Variants in PCDH15 observed in about 807,000 individuals in gnomAD.
PCDH15 encodes the protein protocadherin-15.
PCDH15 carries 129 observed loss-of-function variants against 178.5 expected under a neutral mutation model. The observed-to-expected ratio is 0.72, with a 90% CI of 0.63 to 0.84. PCDH15 has a LOEUF of 0.84. PCDH15 is among the 40% of genes least tolerant of loss of function. PCDH15 has a pLI of 0.00. For missense variants in PCDH15, 2,230 were observed against 2,099.9 expected (o/e 1.06, Z -1.21); for synonymous variants, 800 against 732.0 (o/e 1.09, Z -1.50).
At chr10:55,100,168 C>A (rs563194248) in intron 2 of PCDH15, among the ~76,000 whole-genome samples, 1 of 152,022 alleles carries the variant, frequency 6.6e-6, no homozygotes, top group Non-Finnish European at 1.5e-5. Flanking sequence ...TGATTTTATT[C>A]TTGTATTTTC....
intron 2 of PCDH15, among the ~76,000 whole-genome samples, chr10:55,440,099 T>C (rs1257090328): frequency 1.3e-5 from 2 of 152,088 alleles, no homozygotes; most frequent in African/African-American, 2.4e-5. Flanking sequence ...TTACTTGTAA[T>C]TGGAATGGAT....
chr10:55,177,220 T>C (rs1368278447), intron 1 of PCDH15, among the ~76,000 whole-genome samples: 12 of 152,120 alleles, frequency 7.9e-5, no homozygotes. Flanking sequence ...GGCATTAGAG[T>C]ATTCTCCAGA....
At chr10:53,827,338 C>T in intron 32 of PCDH15, 55 bp downstream of exon 32, 1 of 1,547,252 alleles carries the variant, frequency 6.5e-7, no homozygotes, top group South Asian at 1.2e-5. Flanking sequence ...ATACTCACCA[C>T]ACAGAATTCA....
rs1840745897 is a variant in PCDH15, at chr10:55,217,695, T to A, written c.-155-51044A>T. The stretch of plus-strand genomic sequence containing the variant: ...GAAATTAATGAACACTTGCTAAAGA[T>A]GATTACAAGATACTTCTGTTAAATG... On this transcript the variant is annotated intron_variant, in intron 1 of 5. Transcript: ENST00000458638. Among the ~76,000 whole-genome samples, 4 of 151,890 alleles carry A rather than the reference T, an allele frequency of 2.6e-5. No homozygotes were observed. The South Asian group carries it at 8.3e-4, about 31-fold the overall frequency.
chr10:55,622,914 A>G (rs145597733), intron 2 of PCDH15, among the ~76,000 whole-genome samples: 1 of 152,226 alleles, frequency 6.6e-6, no homozygotes, highest in Non-Finnish European at 1.5e-5. Flanking sequence ...TTCTAGTCTA[A>G]TCCCACTCAT....
At chr10:54,284,840 T>C (rs2058935509) in intron 8 of PCDH15, among the ~76,000 whole-genome samples, 1 of 151,896 alleles carries the variant, frequency 6.6e-6, no homozygotes, top group Non-Finnish European at 1.5e-5. Flanking sequence ...TAATCAGGAG[T>C]AGAGTCTCTA....
At chr10:54,713,262 G>GT (rs1002406011) in intron 1 of PCDH15, among the ~76,000 whole-genome samples, 2 of 151,716 alleles carry the variant, frequency 1.3e-5, no homozygotes, top group African/African-American at 2.4e-5. Flanking sequence ...CTGATTTCAA[G>GT]TTTTTTTACA....
intron 1 of PCDH15, among the ~76,000 whole-genome samples, chr10:55,194,319 T>C (rs2132150050): frequency 6.6e-6 from 1 of 152,194 alleles, no homozygotes; most frequent in East Asian, 1.9e-4. Context: ...ACAGGTATGT[T>C]AAAAACTATT....
At chr10:54,236,442 A>G (rs1034636194) in intron 9 of PCDH15, among the ~76,000 whole-genome samples, 5 of 151,954 alleles carry the variant, frequency 3.3e-5, no homozygotes, top group African/African-American at 1.2e-4. Flanking sequence ...TATCACAATT[A>G]TGTATAGTAA....
intron 2 of PCDH15, among the ~76,000 whole-genome samples, chr10:55,479,525 A>C (rs1840132823): frequency 6.6e-6 from 1 of 151,606 alleles, no homozygotes; most frequent in South Asian, 2.1e-4. Flanking sequence ...TCAGCACAAT[A>C]AAGGCTGCAC....
At chr10:54,240,717 C>T (rs1172801249) in intron 8 of PCDH15, among the ~76,000 whole-genome samples, 3 of 148,192 alleles carry the variant, frequency 2.0e-5, no homozygotes, top group African/African-American at 5.0e-5. Context: ...CTGCAAGCTC[C>T]GCCTCCCGGG....
intron 2 of PCDH15, among the ~76,000 whole-genome samples, chr10:55,094,576 CAACCTGGAAAT>C (rs1842401932): frequency 6.6e-6 from 1 of 151,856 alleles, no homozygotes; most frequent in African/African-American, 2.4e-5. Context: ...GTAGTATTGG[CAACCTGGAAAT>C]AAGTAAGTTT....
chr10:54,924,554 C>A (rs1591786776), intron 2 of PCDH15, among the ~76,000 whole-genome samples: 1 of 150,008 alleles, frequency 6.7e-6, no homozygotes, highest in Admixed American at 6.7e-5. Flanking sequence ...AATTTACACT[C>A]CCCCCATAGC....
rs752996488 is a variant in PCDH15 at position 54,334,792 on chromosome 10, G to A, written c.595-5086C>T. Among the ~76,000 whole-genome samples the A allele has an allele frequency of 3.5e-4, 53 of 152,050 alleles. 1 individual carries two copies. Among genetic ancestry groups the A allele is most frequent in the Non-Finnish European group, 1.8e-4 (12 of 68,020 alleles). The stretch of plus-strand genomic sequence containing the variant: ...CTCAATGGGCCTGTAATTGAGAAGT[G>A]GCGGAAATGTAGATAATTACGATTT... On this transcript the variant is annotated intron_variant, in intron 6 of 37. Transcript: ENST00000644397.
chr10:54,727,156 C>T (rs904217824), intron 1 of PCDH15, among the ~76,000 whole-genome samples: 7 of 151,306 alleles, frequency 4.6e-5, no homozygotes, highest in African/African-American at 1.7e-4. Flanking sequence ...TTCTTCTTAC[C>T]TGCACATGGT....
chr10:54,680,892 A>G (rs1174787832), intron 1 of PCDH15, among the ~76,000 whole-genome samples: 6 of 152,170 alleles, frequency 3.9e-5, no homozygotes, highest in Non-Finnish European at 7.3e-5. Flanking sequence ...TAATACAGAG[A>G]GAGAAAGAAG....
intron 1 of PCDH15, among the ~76,000 whole-genome samples, chr10:55,219,338 G>A (rs757810601): frequency 4.0e-5 from 6 of 151,722 alleles, no homozygotes; most frequent in East Asian, 1.9e-4. Flanking sequence ...AATGGTTCCC[G>A]GTTGCAAGAT....
intron 2 of PCDH15, among the ~76,000 whole-genome samples, chr10:55,574,944 T>G (rs1395928254): frequency 6.6e-6 from 1 of 152,088 alleles, no homozygotes; most frequent in African/African-American, 2.4e-5. Flanking sequence ...AAATGTATGA[T>G]TATTTTCAAC....
intron 20 of PCDH15, among the ~76,000 whole-genome samples, chr10:53,998,070 T>G (rs1911410): frequency 0.23 from 34,794 of 152,046 alleles, 4,271 homozygotes; most frequent in East Asian, 0.46. Flanking sequence ...TCGGCTTCTG[T>G]GCAAATGTTC....
Sources: gnomAD v4.1 joint callset for allele counts (sites outside exome capture counted in the v4.1 genomes callset) on GRCh38, gnomAD v4.1.1 for gene constraint, MANE v1.5 for transcripts, NCBI Gene and HGNC (gene_info 2026-07-23, HGNC 2026-07-21) for gene names.